PTPRT: variants seen among roughly 807,000 people sequenced by gnomAD.
PTPRT encodes the protein receptor-type tyrosine-protein phosphatase T.
A neutral mutation model predicts 176.8 loss-of-function variants in PTPRT; 56 were observed. The observed-to-expected ratio is 0.32, with a 90% confidence interval of 0.26 to 0.40. The LOEUF (loss-of-function observed/expected upper bound fraction) is 0.40, where lower values mean the gene tolerates loss of function less well. PTPRT is among the 10% of genes least tolerant of loss of function. PTPRT has a pLI of 1.00. For synonymous variants in PTPRT, 783 were observed against 739.0 expected, an observed-to-expected ratio of 1.06 and a Z score of -0.96; for missense variants, 1,540 against 1,908.2, an observed-to-expected ratio of 0.81 and a Z score of 3.60.
At chr20:42,840,775 G>T (rs557935179) in intron 2 of PTPRT, among the ~76,000 whole-genome samples, 1 of 152,178 alleles carries the variant, frequency 6.6e-6, no homozygotes, top group Non-Finnish European at 1.5e-5. Context: ...GCCTGTTCCT[G>T]CAACCCCTCA....
chr20:43,007,581 T>C (rs1199629985), intron 1 of PTPRT, among the ~76,000 whole-genome samples: 3 of 152,204 alleles, frequency 2.0e-5, no homozygotes, highest in Non-Finnish European at 4.4e-5. Flanking sequence ...ATTTGAACCA[T>C]GTAGGGGAAT....
chr20:43,054,868 A>G (rs1290612676), intron 1 of PTPRT, among the ~76,000 whole-genome samples: 2 of 152,226 alleles, frequency 1.3e-5, no homozygotes, highest in South Asian at 2.1e-4. Flanking sequence ...CTAACTCTCT[A>G]TGATACTTGG....
intron 1 of PTPRT, among the ~76,000 whole-genome samples, chr20:42,984,581 C>G (rs1983465963): frequency 6.6e-6 from 1 of 152,236 alleles, no homozygotes; most frequent in South Asian, 2.1e-4. Context: ...TCAGCTCACT[C>G]CACCATCATG....
intron 16 of PTPRT, among the ~76,000 whole-genome samples, chr20:42,182,907 GGTGTGT>G (rs10608197): frequency 0.014 from 2,037 of 144,692 alleles, 40 homozygotes; most frequent in African/African-American, 0.048. Context: ...TACAAGCAGG[GGTGTGT>G]GTGTGTGTGT....
chr20:42,554,793 C>A (rs1433945431), intron 7 of PTPRT, among the ~76,000 whole-genome samples: 2 of 152,032 alleles, frequency 1.3e-5, no homozygotes, highest in Non-Finnish European at 2.9e-5. Context: ...ATGAAAAGAA[C>A]AAAATTAAAG....
At chr20:42,709,015 G>A (rs2076103293) in intron 6 of PTPRT, among the ~76,000 whole-genome samples, 1 of 152,194 alleles carries the variant, frequency 6.6e-6, no homozygotes, top group African/African-American at 2.4e-5. Flanking sequence ...GTACAGAGAG[G>A]TTTCTGCCTC....
rs999041435 is a variant in PTPRT at position 42,723,988 on chromosome 20, G to A, written c.859+32474C>T. ...CTTAGTGAGTTCATATTACCTCTCC[G>A]AGGCTGTCTCAATGAGTGAAAATAA... On this transcript the variant is annotated intron_variant, in intron 6 of 30. Coordinates refer to ENST00000373187, the MANE Select transcript of PTPRT (RefSeq NM_007050.6). 1.8e-4 allele frequency among the ~76,000 whole-genome samples: 27 copies of A among 152,152 alleles called. 1 individual carries two copies. The highest frequency in any genetic ancestry group is 4.1e-4 in the South Asian group (2 of 4,826).
intron 9 of PTPRT, among the ~76,000 whole-genome samples, chr20:42,373,246 A>T: frequency 6.6e-6 from 1 of 152,254 alleles, no homozygotes; most frequent in Middle Eastern, 3.4e-3. Context: ...CATGGAACTA[A>T]TGGTATGCTG....
rs1160941912 is a variant in PTPRT at position 42,449,196 on chromosome 20, T to C, written c.1451-867A>G. On this transcript the variant is annotated intron_variant, in intron 8 of 30. Transcript: ENST00000373187. The stretch of plus-strand genomic sequence containing the variant: ...CCAAGAAGGCAGCTAGCTTGACTTG[T>C]TGTTGAGTCCCAATGCCTGGCATGA... Among the ~76,000 whole-genome samples the C allele has an allele frequency of 3.9e-5, 6 of 152,348 alleles. No individual in the cohort carries two copies. In the East Asian group the frequency reaches 1.2e-3, roughly 29 times the overall value.
intron 9 of PTPRT, among the ~76,000 whole-genome samples, chr20:42,365,931 G>A (rs2058508017): frequency 6.6e-6 from 1 of 152,198 alleles, no homozygotes; most frequent in Admixed American, 6.5e-5. Context: ...GAGTTGCATT[G>A]CTGTTTCCAA....
chr20:42,691,147 TA>T (rs545323054), intron 6 of PTPRT, among the ~76,000 whole-genome samples: 1 of 152,186 alleles, frequency 6.6e-6, no homozygotes, highest in Non-Finnish European at 1.5e-5. Flanking sequence ...TGGTAGCCAC[TA>T]ATCTCCCACC....
At chr20:42,304,510 A>T (rs2057515787) in intron 12 of PTPRT, among the ~76,000 whole-genome samples, 1 of 152,188 alleles carries the variant, frequency 6.6e-6, no homozygotes. Context: ...TTTCCAAAAG[A>T]AGAAGAGACT....
chr20:42,272,329 CA>C lies in PTPRT; in HGVS notation c.2176+10159del, dbSNP rs945990641. ...TTTGTGACAGAGACCATAAGGCCTG[CA>C]AAGCTGAAAATATTTACTATCTGTC... On this transcript the variant is annotated intron_variant, in intron 13 of 30. Coordinates refer to ENST00000373187, the MANE Select transcript of PTPRT (RefSeq NM_007050.6). Among the ~76,000 whole-genome samples, 103 of 152,154 alleles carry C rather than the reference CA, an allele frequency of 6.8e-4. 1 individual carries two copies. The highest frequency in any genetic ancestry group is 2.3e-3 in the African/African-American group (97 of 41,500).
intron 6 of PTPRT, among the ~76,000 whole-genome samples, chr20:42,701,933 G>T (rs1457472979): frequency 2.0e-5 from 3 of 152,160 alleles, no homozygotes; most frequent in Non-Finnish European, 4.4e-5. Flanking sequence ...GATTCAGAGA[G>T]ATATACGCAA....
chr20:43,062,290 G>T (rs1205521540), intron 1 of PTPRT, among the ~76,000 whole-genome samples: 1 of 152,218 alleles, frequency 6.6e-6, no homozygotes, highest in Non-Finnish European at 1.5e-5. Context: ...TGAGCCAACA[G>T]CTCTAGCTTT....
chr20:42,186,870 C>A (rs1215210773), intron 16 of PTPRT, among the ~76,000 whole-genome samples: 1 of 152,046 alleles, frequency 6.6e-6, no homozygotes, highest in Admixed American at 6.5e-5. Context: ...CTAGATATAT[C>A]GAAGATGTAG....
At chr20:42,685,784 A>G (rs2075681303) in intron 6 of PTPRT, 1 of 152,196 alleles carries the variant, frequency 6.6e-6, no homozygotes, top group Admixed American at 6.5e-5. Context: ...ACAAATGCCT[A>G]GTAAACCTGC....
intron 12 of PTPRT, among the ~76,000 whole-genome samples, chr20:42,296,898 T>C (rs1289613339): frequency 3.3e-5 from 5 of 152,130 alleles, no homozygotes; most frequent in East Asian, 1.9e-4. Flanking sequence ...ACTTATTTCA[T>C]ATCACATGCC....
intron 6 of PTPRT, among the ~76,000 whole-genome samples, chr20:42,694,284 T>C (rs7264916): frequency 0.22 from 34,190 of 151,956 alleles, 4,529 homozygotes; most frequent in African/African-American, 0.37. Flanking sequence ...GTGATCCACC[T>C]GCCTTGGCCT....
Sources: allele counts gnomAD v4.1 joint callset (sites outside exome capture counted in the v4.1 genomes callset), GRCh38; gene constraint gnomAD v4.1.1; transcripts MANE v1.5; gene names NCBI Gene and HGNC (gene_info 2026-07-23, HGNC 2026-07-21).